AMPH: variants seen among roughly 807,000 people sequenced by gnomAD.
AMPH encodes amphiphysin, also known as amphiphysin (Stiff-Mann syndrome with breast cancer 128kD autoantigen).
A neutral mutation model predicts 99.1 loss-of-function variants in AMPH; 49 were observed. The ratio of observed to expected loss-of-function variants is 0.49; its 90% CI spans 0.39 to 0.63. The LOEUF (loss-of-function observed/expected upper bound fraction) is 0.63, where lower values mean the gene tolerates loss of function less well. Among genes scored for constraint, AMPH ranks in the 20% least tolerant of loss-of-function variants. AMPH has a pLI of 0.00. For missense variants in AMPH, 759 were observed against 863.4 expected (o/e 0.88, Z 1.52); for synonymous variants, 314 against 317.3 (o/e 0.99, Z 0.11).
At position 38,582,374 on chromosome 7, in the gene AMPH, T is replaced by C. The variant is rs575085544; in HGVS notation, c.70-47363A>G. ...AAGCCTGACTAGGGTGGGTTCAAGATAGAAGAGGAGAAATAAAAAAGCATA... is the reference window on the plus strand; with the variant it reads ...AAGCCTGACTAGGGTGGGTTCAAGACAGAAGAGGAGAAATAAAAAAGCATA... On this transcript the variant is annotated intron_variant, in intron 1 of 20. Transcript: ENST00000356264. 2.3e-4 allele frequency among the ~76,000 whole-genome samples: 35 copies of C among 152,200 alleles called. No homozygotes were observed. In the South Asian group the frequency reaches 7.1e-3, roughly 31 times the overall value.
At chr7:38,618,683 A>G (rs564337263) in intron 1 of AMPH, among the ~76,000 whole-genome samples, 15 of 152,326 alleles carry the variant, frequency 9.8e-5, no homozygotes, top group African/African-American at 3.1e-4. Context: ...TCTGACCTCT[A>G]TTGTGACAAA....
intron 11 of AMPH, among the ~76,000 whole-genome samples, chr7:38,455,693 G>A (rs1787205285): frequency 1.3e-5 from 2 of 152,182 alleles, no homozygotes; most frequent in South Asian, 2.1e-4. Flanking sequence ...ACTGATATGG[G>A]CTTCAAGATT....
Position 38,558,213 on chromosome 7 carries a change from C to A in AMPH, c.70-23202G>T, listed in dbSNP as rs375064536. Among the ~76,000 whole-genome samples the A allele has an allele frequency of 2.6e-5, 4 of 152,306 alleles. No individual in the cohort carries two copies. The East Asian group carries it at 5.8e-4, about 22-fold the overall frequency. On this transcript the variant is annotated intron_variant, in intron 1 of 20. Coordinates refer to ENST00000356264, the MANE Select transcript of AMPH (RefSeq NM_001635.4). The stretch of plus-strand genomic sequence containing the variant: ...AGCACAGTTTCTAGAGAAAGTCCAT[C>A]TAATCAAGAGCACATAACAGATGGT...
chr7:38,594,163 G>A (rs370886299), intron 1 of AMPH, among the ~76,000 whole-genome samples: 161 of 152,246 alleles, frequency 1.1e-3, no homozygotes, highest in Non-Finnish European at 1.7e-3. Context: ...GAGTGGTGAG[G>A]AGCGATCGAA....
chr7:38,471,515 C>T (rs1279356775), intron 7 of AMPH, among the ~76,000 whole-genome samples: 1 of 152,006 alleles, frequency 6.6e-6, no homozygotes. Context: ...CAGTTTAAAT[C>T]CAAAAATTTG....
intron 11 of AMPH, among the ~76,000 whole-genome samples, chr7:38,443,154 T>G (rs928199928): frequency 6.6e-6 from 1 of 151,968 alleles, no homozygotes; most frequent in Non-Finnish European, 1.5e-5. Flanking sequence ...AAACACAAAC[T>G]ACAAATACAA....
At chr7:38,538,402 T>C (rs1473038865) in intron 1 of AMPH, among the ~76,000 whole-genome samples, 1 of 152,164 alleles carries the variant, frequency 6.6e-6, no homozygotes, top group Non-Finnish European at 1.5e-5. Context: ...ACTGTGATCT[T>C]TCAATAGTAT....
intron 1 of AMPH, among the ~76,000 whole-genome samples, chr7:38,565,204 T>C (rs561403406): frequency 6.6e-6 from 1 of 152,178 alleles, no homozygotes; most frequent in South Asian, 2.1e-4. Flanking sequence ...AATAATTTAA[T>C]ATGATTTATT....
chr7:38,431,990 C>T (rs1235605971), intron 13 of AMPH, 199 bp downstream of exon 13: 1 of 678,674 alleles, frequency 1.5e-6, no homozygotes, highest in East Asian at 2.8e-5. Context: ...GAGTCTGGTC[C>T]ACTGTACTCT....
At chr7:38,586,637 A>G (rs1027989017) in intron 1 of AMPH, among the ~76,000 whole-genome samples, 6 of 152,202 alleles carry the variant, frequency 3.9e-5, no homozygotes, top group African/African-American at 1.4e-4. Context: ...GATGCAGAGT[A>G]CAAGTGACAG....
At chr7:38,585,303 C>T (rs1362093598) in intron 1 of AMPH, among the ~76,000 whole-genome samples, 1 of 152,136 alleles carries the variant, frequency 6.6e-6, no homozygotes, top group Non-Finnish European at 1.5e-5. Context: ...TGCCCTTAGC[C>T]ATTACTCTGA....
intron 1 of AMPH, among the ~76,000 whole-genome samples, chr7:38,563,768 A>AGT (rs1425924985): frequency 6.6e-6 from 1 of 152,252 alleles, no homozygotes; most frequent in Non-Finnish European, 1.5e-5. Flanking sequence ...GAAAGTCTAA[A>AGT]GAAAAGAAAT....
intron 7 of AMPH, among the ~76,000 whole-genome samples, chr7:38,468,542 A>G (rs1787754683): frequency 6.6e-6 from 1 of 152,112 alleles, no homozygotes; most frequent in Admixed American, 6.5e-5. Flanking sequence ...ATAACTAAAC[A>G]TCTATTTCTA....
rs114649928 is a variant in AMPH, at chr7:38,574,149, A to G, written c.70-39138T>C. 5.6e-3 allele frequency among the ~76,000 whole-genome samples: 854 copies of G among 152,340 alleles called. 9 individuals are homozygous for G. The highest frequency in any genetic ancestry group is 0.02 in the African/African-American group (824 of 41,576). ...CTAACAACCCTAGCAACATTACTGA[A>G]TCATCTTGATTTCCCACAACGAGTG... On this transcript the variant is annotated intron_variant, in intron 1 of 20. Transcript: ENST00000356264.
At chr7:38,627,516 G>C (rs571911369) in intron 1 of AMPH, among the ~76,000 whole-genome samples, 5 of 151,638 alleles carry the variant, frequency 3.3e-5, no homozygotes, top group Non-Finnish European at 7.4e-5. Flanking sequence ...TTAGCCAAGC[G>C]TGGTGGTGGG....
chr7:38,473,787 A>G (rs1404552878), intron 7 of AMPH, among the ~76,000 whole-genome samples: 1 of 144,394 alleles, frequency 6.9e-6, no homozygotes, highest in Non-Finnish European at 1.5e-5. Context: ...TAATATCTGT[A>G]TTTTTTAAAA....
intron 1 of AMPH, among the ~76,000 whole-genome samples, chr7:38,600,698 G>A (rs1321082024): frequency 2.0e-5 from 3 of 152,098 alleles, no homozygotes; most frequent in South Asian, 2.1e-4. Context: ...TCCTTGCACC[G>A]AAGAGACAAC....
intron 1 of AMPH, among the ~76,000 whole-genome samples, chr7:38,570,200 T>C (rs1791891977): frequency 1.3e-5 from 2 of 152,124 alleles, no homozygotes; most frequent in Admixed American, 1.3e-4. Flanking sequence ...CAAAGAACAA[T>C]TTTAAACTAA....
chr7:38,491,088 T>C lies in AMPH; in HGVS notation c.358A>G (p.Thr120Ala). ...AATTGCCCCAGGTAGGTATCCAGTGTTAGCAAGGACCCATCCACGAGTTTT... is the reference window on the plus strand; with the variant it reads ...AATTGCCCCAGGTAGGTATCCAGTGCTAGCAAGGACCCATCCACGAGTTTT... ...HQKLVDGSLL[T>A]LDTYLGQFPD... The change falls in exon 5 of 21, where the codon ACA (threonine) becomes GCA (alanine). Residue 120 changes from threonine to alanine, a missense_variant. By Grantham distance (58) the Thr-to-Ala change is moderately conservative. This residue lies in a region of AMPH where 205 missense variants were observed against 287.9 expected (regional missense o/e 0.71). Transcript: ENST00000356264. 6.2e-7 allele frequency: 1 copy of C among 1,613,162 alleles called. No individual in the cohort carries two copies. The highest frequency in any genetic ancestry group is 1.3e-5 in the African/African-American group (1 of 74,984).
Sources: allele counts gnomAD v4.1 joint callset (sites outside exome capture counted in the v4.1 genomes callset), GRCh38; gene constraint gnomAD v4.1.1; regional missense constraint gnomAD v4.1.1; transcripts MANE v1.5; gene names NCBI Gene and HGNC (gene_info 2026-07-23, HGNC 2026-07-21).